Variants in IQCN observed in about 807,000 individuals in gnomAD.
The protein encoded by IQCN is IQ motif containing N, also known as IQ domain-containing protein N.
A neutral mutation model predicts 64.4 loss-of-function variants in IQCN; 46 were observed. The ratio of observed to expected loss-of-function variants is 0.71; its 90% confidence interval spans 0.56 to 0.91. IQCN has a LOEUF of 0.91. Among genes scored for constraint, IQCN ranks in the 40% least tolerant of loss-of-function variants. The pLI is 0.00. For missense variants in IQCN, 1,753 were observed against 1,857.4 expected, an observed-to-expected ratio of 0.94 and a Z score of 1.03; for synonymous variants, 733 against 775.6, an observed-to-expected ratio of 0.95 and a Z score of 0.91.
At chr19:18,269,333 A>G in intron 2 of IQCN, 133 bp downstream of exon 2, 1 of 831,506 alleles carries the variant, frequency 1.2e-6, no homozygotes, top group Non-Finnish European at 2.0e-6. Flanking sequence ...AGAAGTAACT[A>G]GGATGCAGAG....
intron 1 of IQCN, among the ~76,000 whole-genome samples, chr19:18,271,377 G>GGA (rs1259226273): frequency 6.6e-6 from 1 of 151,604 alleles, no homozygotes; most frequent in Admixed American, 6.6e-5. Flanking sequence ...GGCTGAGGCG[G>GGA]GAGAATCTCT....
chr19:18,269,527 C>G lies in IQCN; in HGVS notation c.-49G>C. The G allele has an allele frequency of 6.2e-7, 1 of 1,610,114 alleles. No homozygotes were observed. The highest frequency in any genetic ancestry group is 8.5e-7 in the Non-Finnish European group (1 of 1,176,908). ...AGAAGGTGCAATCTCAGAAGCCAGC[C>G]TGCAAGAGGAGGCAGCCTTCAGCCT... On this transcript the variant is annotated 5_prime_UTR_variant, in exon 2 of 4. Transcript: ENST00000392413.
At chr19:18,273,117 G>A (rs1282136761) in intron 1 of IQCN, among the ~76,000 whole-genome samples, 5 of 151,880 alleles carry the variant, frequency 3.3e-5, no homozygotes, top group Admixed American at 6.6e-5. Flanking sequence ...TGCAACCTCC[G>A]CCTCCCAGGT....
chr19:18,266,501 A>T lies in IQCN; in HGVS notation c.1039T>A (p.Ser347Thr). 1 of 1,601,462 alleles carries T rather than the reference A, an allele frequency of 6.2e-7. No individual in the cohort carries two copies. Among genetic ancestry groups the T allele is most frequent in the Non-Finnish European group, 8.5e-7 (1 of 1,172,906 alleles). ...GGATATGTCTGTGGCAGGGTCACGGAGACCACTGGATATGTCTGGAGTAGA... is the reference window on the plus strand; with the variant it reads ...GGATATGTCTGTGGCAGGGTCACGGTGACCACTGGATATGTCTGGAGTAGA... ...KTLLQTYPVV[S>T]VTLPQTYPAS... The change falls in exon 3 of 4, where the codon TCC becomes ACC. Residue 347 changes from serine (S) to threonine (T), a missense_variant. Coordinates refer to ENST00000392413, the MANE Select transcript of IQCN (RefSeq NM_001145304.2). The surrounding 1 kb of genome is among the most constrained non-coding windows in gnomAD (Gnocchi z 4.3).
chr19:18,269,877 G>A (rs1313801177), intron 1 of IQCN, among the ~76,000 whole-genome samples: 1 of 151,850 alleles, frequency 6.6e-6, no homozygotes. Flanking sequence ...TATCAATGGA[G>A]ACAGGCTTAA....
rs771129819 is a variant in IQCN at position 18,265,813 on chromosome 19, G to A, written c.1727C>T (p.Ala576Val). 12 of 1,614,032 alleles carry A rather than the reference G, an allele frequency of 7.4e-6. No homozygotes were observed. In the Admixed American group the frequency reaches 1.7e-4, roughly 22 times the overall value. ...AGCCAGGCACCTGATCTTCCCCTCA[G>A]CCAAATAGGAGGGGGATGAGGCTTT... ...VVKASSPSYL[A>V]EGKIRCLAQP... The change falls in exon 3 of 4, where the codon GCT becomes GTT. Residue 576 changes from alanine to valine, a missense_variant. Physicochemically the swap from Ala to Val is moderately conservative, Grantham distance 64. Transcript: ENST00000392413. The surrounding 1 kb of genome is among the most constrained non-coding windows in gnomAD (Gnocchi z 4.7).
chr19:18,274,064 A>C (rs2148115690), intron 1 of IQCN, among the ~76,000 whole-genome samples: 1 of 152,292 alleles, frequency 6.6e-6, no homozygotes, highest in South Asian at 2.1e-4. Context: ...GCAGCCCAAG[A>C]GTTTGAAAAC....
Position 18,265,984 on chromosome 19 carries a change from C to T in IQCN, c.1556G>A (p.Cys519Tyr). The change falls in exon 3 of 4, where the codon TGT becomes TAT. Residue 519 changes from cysteine (C) to tyrosine (Y), a missense_variant. Transcript: ENST00000392413. The surrounding 1 kb of genome is among the most constrained non-coding windows in gnomAD (Gnocchi z 4.7). Reference protein sequence around the residue: ...RSVATILKTLCLASPTVANVK... With the variant: ...RSVATILKTLYLASPTVANVK... ...ATTTGCCACTGTTGGAGAGGCCAGA[C>T]ACAGAGTCTTGAGGATGGTGGCCAC... 6.2e-7 allele frequency: 1 copy of T among 1,614,124 alleles called. No individual in the cohort carries two copies. Among genetic ancestry groups the T allele is most frequent in the East Asian group, 2.2e-5 (1 of 44,886 alleles).
chr19:18,266,052 G>A lies in IQCN; in HGVS notation c.1488C>T (p.Arg496=), dbSNP rs762671027. Residue 496 remains arginine (R), a synonymous_variant, in exon 3 of 4, where the codon CGC becomes CGT. Transcript: ENST00000392413. The surrounding 1 kb of genome is among the most constrained non-coding windows in gnomAD (Gnocchi z 4.3). The part of the protein sequence containing the change: ...VGVTKPSPQT[R]LPAMITKTPA... ...GGGTCTTGGTTATCATGGCTGGCAG[G>A]CGGGTCTGGGGTGAGGGCTTGGTCA... 1.7e-5 allele frequency: 28 copies of A among 1,613,466 alleles called. No individual in the cohort carries two copies. The highest frequency in any genetic ancestry group is 2.4e-5 in the Non-Finnish European group (28 of 1,179,884).
In IQCN at chr19:18,268,224, AAGAG is replaced by A. The variant is rs940402845; in HGVS notation, c.14-702_14-699del. ...TGTGTGTGTGTGTGTGTGTTTGAAA[AAGAG>A]AGAGAGAGAAGTGTGGTGGGGGAGA... On this transcript the variant is annotated intron_variant, in intron 2 of 3. Transcript: ENST00000392413. Among the ~76,000 whole-genome samples, 53 of 113,938 alleles carry A rather than the reference AAGAG, an allele frequency of 4.7e-4. 1 individual carries two copies. The South Asian group carries it at 0.011, about 24-fold the overall frequency. 74.7% of individuals were successfully genotyped at this position (113,938 alleles called of 152,430 possible).
chr19:18,265,749 A>G lies in IQCN; in HGVS notation c.1791T>C (p.Ala597=), dbSNP rs1193149099. The G allele has an allele frequency of 1.1e-5, 18 of 1,614,180 alleles. No homozygotes were observed. The highest frequency in any genetic ancestry group is 1.4e-5 in the Non-Finnish European group (16 of 1,180,030). The change falls in exon 3 of 4, where the codon GCT becomes GCC. Residue 597 remains alanine, a synonymous_variant. Transcript: ENST00000392413. This position sits in a 1 kb window ranked among gnomAD's most constrained non-coding sequence, Gnocchi z 4.7. ...TTTTCTCGGCTTCCAAAGGAAGCTC[A>G]GCTGCAGCCCTGGGGACCCCAGTTC... is the stretch of plus-strand genomic sequence containing the variant. ...HPGTGVPRAA[A]ELPLEAEKIK... is the part of the protein sequence containing the mutation.
intron 3 of IQCN, chr19:18,260,242 TCTCA>T (rs1219837405): frequency 2.6e-5 from 4 of 152,512 alleles, no homozygotes; most frequent in Non-Finnish European, 5.9e-5. Flanking sequence ...CTGGATACCA[TCTCA>T]CTAACCATCA....
chr19:18,257,489 G>A lies in IQCN; in HGVS notation c.3795C>T (p.Thr1265=). Residue 1265 remains threonine (T), a synonymous_variant, in exon 4 of 4, where the codon ACC becomes ACT. Transcript: ENST00000392413. The part of the protein sequence containing the change: ...TCHTCGRTQP[T]RVVQGMGQGT... ...CCTGGCCCATGCCCTGCACCACACG[G>A]GTGGGCTGTGTGCGTCCACAGGTAT... The A allele has an allele frequency of 6.2e-7, 1 of 1,609,158 alleles. No homozygotes were observed. Among genetic ancestry groups the A allele is most frequent in the Non-Finnish European group, 8.5e-7 (1 of 1,178,120 alleles).
rs776672740 is a variant in IQCN at position 18,257,839 on chromosome 19, C to A, written c.3445G>T (p.Gly1149Cys). ...GCCAGGTTCCGCCGCACACGGTAGC[C>A]GCGCCAAGTAGCTTGGATGACCATG... is the stretch of plus-strand genomic sequence containing the variant. ...GAMVIQATWR[G>C]YRVRRNLAHL... The change falls in exon 4 of 4, where the codon GGC (glycine) becomes TGC (cysteine). Residue 1149 changes from glycine to cysteine, a missense_variant. Physicochemically the swap from Gly to Cys is radical, Grantham distance 159. Transcript: ENST00000392413. The A allele has an allele frequency of 6.2e-7, 1 of 1,611,490 alleles. No homozygotes were observed. The highest frequency in any genetic ancestry group is 1.3e-5 in the African/African-American group (1 of 74,936).
rs1568281779 is a variant in IQCN at position 18,267,474 on chromosome 19, T to TA, written c.65_66insT (p.Val23SerfsTer176). 1.2e-5 allele frequency: 18 copies of TA among 1,533,182 alleles called. No homozygotes were observed. The highest frequency in any genetic ancestry group is 1.6e-5 in the Non-Finnish European group (18 of 1,143,324). The allele number at this position is 1,533,182 out of a possible 1,614,324, so 95.0% of individuals were successfully genotyped here. The stretch of plus-strand genomic sequence containing the variant: ...ACTGGGTGACAACTGGCTCGTGAAC[T>TA]GTAGCTAGGCGGCCGGCTGCATTGC... On this transcript the variant is annotated frameshift_variant, in exon 3 of 4. Coordinates refer to ENST00000392413, the MANE Select transcript of IQCN (RefSeq NM_001145304.2). LOFTEE classifies it high-confidence loss of function.
rs1186473220 is a variant in IQCN, at chr19:18,264,855, G to A, written c.2685C>T (p.Arg895=). Residue 895 remains arginine, a synonymous_variant, in exon 3 of 4, where the codon CGC becomes CGT. Coordinates refer to ENST00000392413, the MANE Select transcript of IQCN (RefSeq NM_001145304.2). The surrounding 1 kb of genome is among the most constrained non-coding windows in gnomAD (Gnocchi z 4.3). The part of the protein sequence containing the change: ...AGVLASQEDL[R]TLLAKALSQG... ...GGGAGAGGGCTTTGGCCAACAGAGT[G>A]CGGAGATCCTCCTGGGATGCCAGCA... 2.5e-6 allele frequency: 4 copies of A among 1,602,126 alleles called. No homozygotes were observed. The highest frequency in any genetic ancestry group is 2.2e-5 in the South Asian group (2 of 89,512).
intron 1 of IQCN, 115 bp from the exon 2 acceptor site, chr19:18,269,702 G>T: frequency 2.0e-6 from 1 of 504,650 alleles, no homozygotes. Flanking sequence ...CAAAGATGAG[G>T]AAATTTATTC....
chr19:18,262,861 T>C (rs1490548427), intron 3 of IQCN, among the ~76,000 whole-genome samples: 1 of 152,202 alleles, frequency 6.6e-6, no homozygotes, highest in South Asian at 2.1e-4. Flanking sequence ...TTATATGCAG[T>C]GGAGACCACA....
At chr19:18,258,189 G>T in intron 3 of IQCN, 83 bp from the exon 4 acceptor site, 2 of 1,468,862 alleles carry the variant, frequency 1.4e-6, no homozygotes, top group Non-Finnish European at 1.9e-6. Context: ...TCTCCACGGT[G>T]ACTCCTGGTT....
Sources: allele counts gnomAD v4.1 joint callset (sites outside exome capture counted in the v4.1 genomes callset), GRCh38; gene constraint gnomAD v4.1.1; non-coding constraint Gnocchi (gnomAD v3.1); transcripts MANE v1.5; gene names NCBI Gene and HGNC (gene_info 2026-07-23, HGNC 2026-07-21).